The following CELF2 variants were observed in gnomAD, a reference collection of about 807,000 sequenced individuals.
CELF2 encodes the protein CUG triplet repeat RNA-binding protein 2.
A neutral mutation model predicts 62.6 loss-of-function variants in CELF2; 8 were observed. The observed-to-expected ratio is 0.13, with a 90% confidence interval of 0.07 to 0.23. CELF2 has a LOEUF of 0.23. CELF2 is among the 10% of genes least tolerant of loss of function. The pLI is 1.00. For synonymous variants in CELF2, 258 were observed against 250.0 expected, an observed-to-expected ratio of 1.03 and a Z score of -0.30; for missense variants, 333 against 671.0, an observed-to-expected ratio of 0.50 and a Z score of 5.56.
At position 11,165,316 on chromosome 10, in the gene CELF2, T is replaced by C; in HGVS notation, c.75-170T>C. On this transcript the variant is annotated intron_variant, in intron 1 of 12. Transcript: ENST00000633077. The surrounding 1 kb of genome is among the most constrained non-coding windows in gnomAD (Gnocchi z 7.4). Reference sequence around the variant, plus strand: ...CTCGCCGCCGCCGAGGAGCAACTCATGGTGCCTCCGCTTTGTTTTAGTTCA... The same window carrying C: ...CTCGCCGCCGCCGAGGAGCAACTCACGGTGCCTCCGCTTTGTTTTAGTTCA... 1 of 1,413,766 alleles carries C rather than the reference T, an allele frequency of 7.1e-7. No homozygotes were observed. Among genetic ancestry groups the C allele is most frequent in the Non-Finnish European group, 9.2e-7 (1 of 1,087,592 alleles). The allele number at this position is 1,413,766 out of a possible 1,614,324, so 87.6% of individuals were successfully genotyped here.
chr10:11,231,572 G>A (rs1464704800), intron 3 of CELF2, among the ~76,000 whole-genome samples: 1 of 151,796 alleles, frequency 6.6e-6, no homozygotes, highest in African/African-American at 2.4e-5. Context: ...AAAGGACCAG[G>A]GTTCCTGCAG....
chr10:11,152,004 A>T (rs1000198543), intron 1 of CELF2, among the ~76,000 whole-genome samples: 5 of 152,210 alleles, frequency 3.3e-5, no homozygotes, highest in African/African-American at 7.2e-5. Flanking sequence ...TTCAGGGAAC[A>T]AGAATTGCTG....
At chr10:11,087,112 A>C (rs1482987056) in intron 1 of CELF2, among the ~76,000 whole-genome samples, 1 of 152,170 alleles carries the variant, frequency 6.6e-6, no homozygotes, top group Non-Finnish European at 1.5e-5. Context: ...AAGCACTGTG[A>C]CATCAGTGCT....
the CELF2 span, among the ~76,000 whole-genome samples, chr10:10,687,005 C>A: frequency 1.3e-5 from 2 of 152,156 alleles, no homozygotes; most frequent in Admixed American, 1.3e-4. Flanking sequence ...ATTGTATGCT[C>A]CCTAACCCTT....
At chr10:10,639,798 T>C in the CELF2 span, among the ~76,000 whole-genome samples, 4 of 152,178 alleles carry the variant, frequency 2.6e-5, no homozygotes, top group East Asian at 7.7e-4. Context: ...AGGCCCTCCC[T>C]GTCACCTTAC....
chr10:10,965,374 G>A (rs527727297), intron 2 of CELF2, among the ~76,000 whole-genome samples: 2 of 152,188 alleles, frequency 1.3e-5, no homozygotes, highest in South Asian at 2.1e-4. Context: ...ATCACATGTA[G>A]GACACTTAAA....
the CELF2 span, among the ~76,000 whole-genome samples, chr10:10,680,340 T>C: frequency 6.6e-6 from 1 of 152,178 alleles, no homozygotes. Flanking sequence ...ACTAAAGTGC[T>C]CATACTCAAC....
chr10:10,786,906 C>T, the CELF2 span, among the ~76,000 whole-genome samples: 1 of 152,046 alleles, frequency 6.6e-6, no homozygotes, highest in Admixed American at 6.6e-5. Flanking sequence ...TAGACACACA[C>T]ACACACACAC....
the CELF2 span, among the ~76,000 whole-genome samples, chr10:10,480,432 G>C: frequency 6.6e-6 from 1 of 152,152 alleles, no homozygotes; most frequent in Non-Finnish European, 1.5e-5. Context: ...CTGACCCACT[G>C]TGTGGCTCTC....
At position 11,117,049 on chromosome 10, in the gene CELF2, G is replaced by A. The variant is rs1747711; in HGVS notation, c.75-48437G>A. ...CAGCTGGTAATGGCAGAACTTTCAC[G>A]TGAACCTGAGCGGTCTGGCTTCAGA... is the stretch of plus-strand genomic sequence containing the variant. On this transcript the variant is annotated intron_variant, in intron 1 of 12. Coordinates refer to ENST00000633077, the MANE Select transcript of CELF2 (RefSeq NM_001326342.2). This position sits in a 1 kb window ranked among gnomAD's most constrained non-coding sequence, Gnocchi z 4.1. 4.7e-3 allele frequency among the ~76,000 whole-genome samples: 720 copies of A among 152,272 alleles called. 7 individuals are homozygous for A. The highest frequency in any genetic ancestry group is 0.017 in the African/African-American group (690 of 41,532).
intron 1 of CELF2, among the ~76,000 whole-genome samples, chr10:10,892,063 A>C (rs1026116019): frequency 6.6e-6 from 1 of 152,028 alleles, no homozygotes; most frequent in Non-Finnish European, 1.5e-5. Flanking sequence ...AATGATATGC[A>C]AAAAAAACCT....
At chr10:11,015,961 C>T (rs2137685698), upstream of CELF2, among the ~76,000 whole-genome samples, 1 of 152,284 alleles carries the variant, frequency 6.6e-6, no homozygotes, top group South Asian at 2.1e-4. The surrounding 1 kb of genome is among the most constrained non-coding windows in gnomAD (Gnocchi z 4.8). Flanking sequence ...CAGAATGTAG[C>T]CTTTATGCTA....
At chr10:10,508,161 A>G in the CELF2 span, among the ~76,000 whole-genome samples, 112 of 46,250 alleles carry the variant, frequency 2.4e-3, no homozygotes, top group African/African-American at 5.5e-3. Context: ...TCTCTCACAG[A>G]CAAATACAAA....
chr10:10,548,661 G>C, the CELF2 span, among the ~76,000 whole-genome samples: 1 of 151,970 alleles, frequency 6.6e-6, no homozygotes, highest in Non-Finnish European at 1.5e-5. Flanking sequence ...CTTTTTTTTA[G>C]AAAATGCTTC....
At chr10:10,919,912 A>G (rs2064727841) in intron 1 of CELF2, 1 of 1,151,850 alleles carries the variant, frequency 8.7e-7, no homozygotes, top group Admixed American at 4.2e-5. Flanking sequence ...CATTTTCATA[A>G]TTCACCAAAA....
the CELF2 span, among the ~76,000 whole-genome samples, chr10:10,567,197 T>C: frequency 3.4e-4 from 52 of 152,300 alleles, no homozygotes; most frequent in African/African-American, 1.2e-3. Flanking sequence ...GTTTTAATGG[T>C]AGAGACACCT....
intron 1 of CELF2, among the ~76,000 whole-genome samples, chr10:11,148,875 A>ACACAC (rs1252145846): frequency 1.6e-5 from 2 of 125,974 alleles, no homozygotes; most frequent in African/African-American, 6.4e-5. Context: ...CACACACACA[A>ACACAC]AGCAAGCCCA....
rs1218199887 is a variant in CELF2 at position 11,300,578 on chromosome 10, A to G, written c.976+12026A>G. Among the ~76,000 whole-genome samples the G allele has an allele frequency of 6.6e-6, 1 of 151,426 alleles. No homozygotes were observed. The highest frequency in any genetic ancestry group is 1.9e-4 in the East Asian group (1 of 5,158). On this transcript the variant is annotated intron_variant, in intron 9 of 12. Transcript: ENST00000633077. The surrounding 1 kb of genome is among the most constrained non-coding windows in gnomAD (Gnocchi z 5.5). The stretch of plus-strand genomic sequence containing the variant: ...TCCCTGCCCAAACTATCTTCGAGGG[A>G]CTAAATTAAAATGAAAGGTGTGGTT...
At chr10:11,052,892 A>G (rs1040338706) in intron 1 of CELF2, among the ~76,000 whole-genome samples, 1 of 152,204 alleles carries the variant, frequency 6.6e-6, no homozygotes, top group Non-Finnish European at 1.5e-5. Context: ...TTATTTTCCT[A>G]CAATATCACA....
Sources: allele counts gnomAD v4.1 joint callset (sites outside exome capture counted in the v4.1 genomes callset), GRCh38; gene constraint gnomAD v4.1.1; non-coding constraint Gnocchi (gnomAD v3.1); transcripts MANE v1.5; gene names NCBI Gene and HGNC (gene_info 2026-07-23, HGNC 2026-07-21).